The following NRDC variants were observed in gnomAD, a reference collection of about 807,000 sequenced individuals.
The protein encoded by NRDC is nardilysin.
NRDC carries 54 observed loss-of-function variants against 147.1 expected under a neutral mutation model. The ratio of observed to expected loss-of-function variants is 0.37; its 90% CI spans 0.29 to 0.46. The LOEUF (loss-of-function observed/expected upper bound fraction) is 0.46. NRDC is among the 20% of genes least tolerant of loss of function. The pLI is 1.00. For missense variants in NRDC, 1,082 were observed against 1,370.6 expected, an observed-to-expected ratio of 0.79 and a Z score of 3.33; for synonymous variants, 440 against 482.1, an observed-to-expected ratio of 0.91 and a Z score of 1.14.
intron 3 of NRDC, 45 bp downstream of exon 3, chr1:51,836,085 AG>A (rs759110605): frequency 2.1e-6 from 3 of 1,410,584 alleles, no homozygotes; most frequent in Non-Finnish European, 3.0e-6. Flanking sequence ...ATAAGTTTGG[AG>A]GGGGGAAAAA....
intron 1 of NRDC, among the ~76,000 whole-genome samples, chr1:51,858,891 T>C (rs1311263547): frequency 6.6e-6 from 1 of 152,224 alleles, no homozygotes; most frequent in Non-Finnish European, 1.5e-5. Flanking sequence ...CTGTGTATAT[T>C]AGAAACTTTT....
chr1:51,866,579 A>G (rs76530076), intron 1 of NRDC, among the ~76,000 whole-genome samples: 2,722 of 152,306 alleles, frequency 0.018, 80 homozygotes, highest in African/African-American at 0.063. Flanking sequence ...CCAAATGACA[A>G]TAGGAAAATA....
chr1:51,851,666 T>C (rs929753420), intron 1 of NRDC, among the ~76,000 whole-genome samples: 7 of 152,064 alleles, frequency 4.6e-5, no homozygotes, highest in African/African-American at 1.7e-4. Context: ...TTTAAAATAA[T>C]CTCAGGCATC....
intron 1 of NRDC, 168 bp downstream of exon 1, chr1:51,878,107 C>A: frequency 2.1e-6 from 3 of 1,426,882 alleles, no homozygotes; most frequent in Non-Finnish European, 2.7e-6. Context: ...CCAGCTGACA[C>A]CACAGGGAAG....
At chr1:51,837,540 TG>T (rs1437543522) in intron 2 of NRDC, 2 of 1,592,940 alleles carry the variant, frequency 1.3e-6, no homozygotes, top group Non-Finnish European at 1.7e-6. Context: ...CCAGCAGGGT[TG>T]AAGACATTTT....
chr1:51,828,345 T>C (rs1336954314), intron 4 of NRDC, among the ~76,000 whole-genome samples: 1 of 152,226 alleles, frequency 6.6e-6, no homozygotes, highest in East Asian at 1.9e-4. Flanking sequence ...TTCATTCCTT[T>C]GTAAAATTGT....
chr1:51,789,567 C>T lies in NRDC; in HGVS notation c.3258+1G>A. ...GGATGGAGTTAGTTAAACATACTCA[C>T]ATGAACGCTGAGCATTTTACTTCCT... On this transcript the variant is annotated splice_donor_variant, in intron 30 of 30. Coordinates refer to ENST00000352171, the MANE Select transcript of NRDC (RefSeq NM_001101662.2). LOFTEE classifies it high-confidence loss of function. The T allele has an allele frequency of 6.2e-7, 1 of 1,612,316 alleles. No homozygotes were observed. The highest frequency in any genetic ancestry group is 1.7e-5 in the Admixed American group (1 of 60,024).
chr1:51,851,716 A>T lies in NRDC; in HGVS notation c.342-11202T>A, dbSNP rs369133184. On this transcript the variant is annotated intron_variant, in intron 1 of 30. Coordinates refer to ENST00000352171, the MANE Select transcript of NRDC (RefSeq NM_001101662.2). ...CTTTTACAAAAAAAAGTTATTTTCT[A>T]AACAAATTTTACAAAGGACACTTAA... 9.7e-4 allele frequency among the ~76,000 whole-genome samples: 147 copies of T among 152,270 alleles called. 2 individuals are homozygous for T. The highest frequency in any genetic ancestry group is 3.5e-3 in the African/African-American group (144 of 41,552).
At chr1:51,802,653 T>C (rs578109973) in intron 20 of NRDC, among the ~76,000 whole-genome samples, 16 of 152,300 alleles carry the variant, frequency 1.1e-4, no homozygotes, top group African/African-American at 3.8e-4. Flanking sequence ...GATAGTTCTT[T>C]ACTGATGGCG....
chr1:51,831,995 G>C (rs1388368794), intron 4 of NRDC, among the ~76,000 whole-genome samples: 3 of 152,096 alleles, frequency 2.0e-5, no homozygotes, highest in Middle Eastern at 6.8e-3. Flanking sequence ...GATTTTTCCA[G>C]ATCAAATTAA....
chr1:51,825,251 A>G (rs777822889), intron 6 of NRDC, 36 bp downstream of exon 6: 52 of 1,259,394 alleles, frequency 4.1e-5, no homozygotes, highest in Non-Finnish European at 5.6e-5. Context: ...TCTTAACTAG[A>G]AAATATGAAA....
At chr1:51,837,354 A>C (rs1303620318) in intron 2 of NRDC, 2 of 806,596 alleles carry the variant, frequency 2.5e-6, no homozygotes, top group Non-Finnish European at 3.5e-6. Flanking sequence ...CAGAAGAACC[A>C]AACAGCCTCA....
intron 2 of NRDC, among the ~76,000 whole-genome samples, chr1:51,838,025 CAG>C (rs1488620029): frequency 1.3e-5 from 2 of 152,136 alleles, no homozygotes; most frequent in African/African-American, 2.4e-5. Flanking sequence ...TTCCTTTTTT[CAG>C]AGAGTTATTC....
intron 3 of NRDC, 82 bp from the exon 4 acceptor site, chr1:51,834,252 G>A: frequency 1.5e-6 from 2 of 1,371,636 alleles, no homozygotes; most frequent in African/African-American, 1.5e-5. Context: ...TATATGCATA[G>A]AAAAACTGAA....
intron 1 of NRDC, among the ~76,000 whole-genome samples, chr1:51,843,432 T>A (rs528522289): frequency 6.6e-6 from 1 of 152,280 alleles, no homozygotes; most frequent in Non-Finnish European, 1.5e-5. Context: ...CATTAACAAG[T>A]TTACTAATTA....
At position 51,806,700 on chromosome 1, in the gene NRDC, A is replaced by C. The variant is rs1679480414; in HGVS notation, c.2110+94T>G. On this transcript the variant is annotated intron_variant, in intron 18 of 30. Transcript: ENST00000352171. The stretch of plus-strand genomic sequence containing the variant: ...GCCCCAGCCTCCTCCACAAAGGAAG[A>C]TCAAAATAGCAAGTAGATAATCACA... 14 of 1,346,674 alleles carry C rather than the reference A, an allele frequency of 1.0e-5. No individual in the cohort carries two copies. In the Middle Eastern group the frequency reaches 5.6e-4, roughly 54 times the overall value. 83.4% of individuals were successfully genotyped at this position (1,346,674 alleles called of 1,614,324 possible). A position where few individuals can be genotyped will look rare whatever the true frequency, so the allele number is the denominator to read the frequency against.
chr1:51,809,098 T>C (rs562065117), intron 17 of NRDC, among the ~76,000 whole-genome samples: 20 of 152,372 alleles, frequency 1.3e-4, no homozygotes, highest in Non-Finnish European at 2.1e-4. Flanking sequence ...AATCCTGGTT[T>C]CTTATTCACC....
At chr1:51,863,109 G>A (rs1480006003) in intron 1 of NRDC, among the ~76,000 whole-genome samples, 5 of 147,768 alleles carry the variant, frequency 3.4e-5, no homozygotes, top group African/African-American at 1.2e-4. Context: ...CTTCAGAGAA[G>A]TTCAAAATGA....
intron 21 of NRDC, among the ~76,000 whole-genome samples, chr1:51,799,920 A>G (rs1456397568): frequency 6.6e-6 from 1 of 152,228 alleles, no homozygotes; most frequent in Non-Finnish European, 1.5e-5. Context: ...AATTTAACTC[A>G]GCTACTAATC....
Sources: gnomAD v4.1 joint callset for allele counts (sites outside exome capture counted in the v4.1 genomes callset) on GRCh38, gnomAD v4.1.1 for gene constraint, MANE v1.5 for transcripts, NCBI Gene and HGNC (gene_info 2026-07-23, HGNC 2026-07-21) for gene names.